Variants in IRAG2 observed in about 807,000 individuals in gnomAD.
IRAG2 encodes the protein lymphoid restricted membrane protein.
Under a neutral mutation model 69.9 loss-of-function variants are expected in IRAG2, and 45 were observed. The ratio of observed to expected loss-of-function variants is 0.64; its 90% confidence interval spans 0.51 to 0.83. The LOEUF is 0.83. Ranked by LOEUF, IRAG2 falls within the 40% of genes least tolerant of loss-of-function variation. The probability of loss-of-function intolerance (pLI) is 0.00; values close to 1 mark genes in which losing one functional copy is unlikely to be tolerated. For synonymous variants in IRAG2, 193 were observed against 202.4 expected (o/e 0.95, Z 0.40); for missense variants, 520 against 587.0 (o/e 0.89, Z 1.18).
At chr12:25,084,817 C>A (rs142640620) in intron 10 of IRAG2, among the ~76,000 whole-genome samples, 2 of 152,122 alleles carry the variant, frequency 1.3e-5, no homozygotes, top group African/African-American at 4.8e-5. Context: ...TTCCAAGAAC[C>A]CCACAGATAC....
intron 10 of IRAG2, chr12:25,031,218 T>C: frequency 4.0e-6 from 1 of 248,266 alleles, no homozygotes; most frequent in Non-Finnish European, 6.4e-6. Context: ...TAACTTGATG[T>C]CTTCATTGCG....
chr12:25,068,147 T>A (rs1467934534), intron 5 of IRAG2, among the ~76,000 whole-genome samples: 1 of 152,064 alleles, frequency 6.6e-6, no homozygotes, highest in Non-Finnish European at 1.5e-5. Context: ...GACCTTGTAT[T>A]TTTCACAGAG....
At chr12:25,006,683 G>A (rs1413708361) in intron 2 of IRAG2, among the ~76,000 whole-genome samples, 3 of 152,146 alleles carry the variant, frequency 2.0e-5, no homozygotes, top group Non-Finnish European at 4.4e-5. Context: ...GTATATACAT[G>A]GAAACAAAGA....
chr12:25,048,565 G>A (rs574529275), upstream of IRAG2, among the ~76,000 whole-genome samples: 1 of 152,272 alleles, frequency 6.6e-6, no homozygotes, highest in South Asian at 2.1e-4. Flanking sequence ...CCAAAGTGCT[G>A]GGATTACAGG....
Position 25,019,314 on chromosome 12 carries a change from G to A in IRAG2, c.1215-1476G>A, listed in dbSNP as rs150790228. On this transcript the variant is annotated intron_variant, in intron 6 of 38. Coordinates refer to the IRAG2 transcript ENST00000636465. ...TACACCCTACCCTCTTGGTACCCAG[G>A]TTCTTGTCCAACATCCAGGAAGAAT... is the stretch of plus-strand genomic sequence containing the variant. Among the ~76,000 whole-genome samples, 323 of 152,302 alleles carry A rather than the reference G, an allele frequency of 2.1e-3. 1 individual carries two copies. Among genetic ancestry groups the A allele is most frequent in the African/African-American group, 7.5e-3 (313 of 41,570 alleles).
chr12:25,093,774 C>A lies in IRAG2; in HGVS notation c.607-3136C>A. ...GAGACGGCAGAATTATTAGGAAAAT[C>A]AAACACATTGGTAGGCTTGCACTTT... On this transcript the variant is annotated intron_variant, in intron 14 of 21. Transcript: ENST00000556887. 1.9e-5 allele frequency: 3 copies of A among 155,076 alleles called. No homozygotes were observed. The South Asian group carries it at 5.5e-4, about 29-fold the overall frequency. 9.6% of individuals were successfully genotyped at this position (155,076 alleles called of 1,614,324 possible). A position where few individuals can be genotyped will look rare whatever the true frequency, so the allele number is the denominator to read the frequency against.
intron 6 of IRAG2, among the ~76,000 whole-genome samples, chr12:25,071,316 A>G (rs1180788308): frequency 6.6e-6 from 1 of 152,184 alleles, no homozygotes; most frequent in Admixed American, 6.5e-5. Context: ...ACTGCACTCC[A>G]GCCTGGGTAA....
upstream of IRAG2, among the ~76,000 whole-genome samples, chr12:25,049,457 C>T (rs919585273): frequency 1.3e-5 from 2 of 152,066 alleles, no homozygotes; most frequent in African/African-American, 4.8e-5. Flanking sequence ...AGAGGTCCTT[C>T]ACTTATGGGG....
chr12:25,085,150 A>G (rs781032662), intron 10 of IRAG2, among the ~76,000 whole-genome samples: 5 of 152,260 alleles, frequency 3.3e-5, no homozygotes, highest in East Asian at 1.9e-4. Context: ...AATTAGCTCA[A>G]TGGACCCTCA....
At chr12:25,017,302 A>AG in intron 6 of IRAG2, 1 of 1,232,158 alleles carries the variant, frequency 8.1e-7, no homozygotes, top group Non-Finnish European at 1.0e-6. Context: ...GGTGAGCCAC[A>AG]GTGGGGTCCA....
intron 10 of IRAG2, among the ~76,000 whole-genome samples, chr12:25,086,598 T>C (rs1947622702): frequency 6.6e-6 from 1 of 152,110 alleles, no homozygotes; most frequent in East Asian, 1.9e-4. Context: ...GCATTGAGGA[T>C]AATGGAATCC....
In IRAG2 at chr12:25,097,003, C is replaced by T. The variant is rs756439027; in HGVS notation, c.700C>T (p.Arg234Ter). The change falls in exon 15 of 22, where the codon CGA (arginine) becomes TGA (stop). Residue 234 changes from arginine (R) to a stop codon, truncating the protein, a stop_gained. Coordinates refer to ENST00000556887, the MANE Select transcript of IRAG2 (RefSeq NM_001366544.2). LOFTEE classifies it high-confidence loss of function. ...AAAGTTTCTTAGCCAGTGTGCAGCA[C>T]GAGTGGCCAGTAGGGCTGAGATGTT... ...SIKFLSQCAA[R>*]VASRAEMLGA... The T allele has an allele frequency of 5.0e-6, 8 of 1,613,442 alleles. No individual in the cohort carries two copies. The highest frequency in any genetic ancestry group is 2.2e-5 in the South Asian group (2 of 91,010).
intron 3 of IRAG2, among the ~76,000 whole-genome samples, chr12:25,063,409 CACCTAT>C (rs1413741071): frequency 6.6e-6 from 1 of 152,176 alleles, no homozygotes; most frequent in Non-Finnish European, 1.5e-5. Context: ...GTTTATTCCT[CACCTAT>C]ACCTCTTTCC....
At chr12:25,035,536 T>C (rs1382108020) in intron 13 of IRAG2, 3 of 396,706 alleles carry the variant, frequency 7.6e-6, no homozygotes, top group Non-Finnish European at 1.3e-5. Flanking sequence ...ACAAGACTAT[T>C]GAGAACCAAA....
At chr12:25,068,964 C>T (rs964298193) in intron 5 of IRAG2, among the ~76,000 whole-genome samples, 1 of 152,248 alleles carries the variant, frequency 6.6e-6, no homozygotes, top group South Asian at 2.1e-4. Context: ...TCCCTGCCCT[C>T]ATCCTCCTTC....
At chr12:25,097,831 C>T (rs935845193) in intron 15 of IRAG2, among the ~76,000 whole-genome samples, 4 of 152,194 alleles carry the variant, frequency 2.6e-5, no homozygotes, top group African/African-American at 4.8e-5. Context: ...ACTAATTTCC[C>T]GTGATCCAGA....
At chr12:25,090,329 G>T in intron 14 of IRAG2, 132 bp downstream of exon 14, 1 of 770,888 alleles carries the variant, frequency 1.3e-6, no homozygotes, top group Non-Finnish European at 2.0e-6. Flanking sequence ...ATCACTTGAG[G>T]CCCGGAGTTC....
chr12:25,038,262 A>G, intron 16 of IRAG2: 1 of 394,038 alleles, frequency 2.5e-6, no homozygotes, highest in Non-Finnish European at 4.5e-6. Context: ...CTTTTTTCAG[A>G]GAAGATATTC....
At chr12:25,061,425 T>C (rs1191825569) in intron 1 of IRAG2, among the ~76,000 whole-genome samples, 167 bp from the exon 2 acceptor site, 1 of 152,186 alleles carries the variant, frequency 6.6e-6, no homozygotes, top group African/African-American at 2.4e-5. Flanking sequence ...CTTGGGAGGT[T>C]GAAACAGGAG....
Sources: gnomAD v4.1 joint callset for allele counts (sites outside exome capture counted in the v4.1 genomes callset) on GRCh38, gnomAD v4.1.1 for gene constraint, MANE v1.5 for transcripts, NCBI Gene and HGNC (gene_info 2026-07-23, HGNC 2026-07-21) for gene names.